The following FGFRL1 variants were observed in gnomAD, a reference collection of about 807,000 sequenced individuals.
FGFRL1 encodes the protein fibroblast growth factor receptor-like 1.
A neutral mutation model predicts 36.8 loss-of-function variants in FGFRL1; 24 were observed. The observed-to-expected ratio is 0.65, with a 90% confidence interval of 0.47 to 0.92. The LOEUF (loss-of-function observed/expected upper bound fraction) is 0.92, where lower values mean the gene tolerates loss of function less well. FGFRL1 is among the 40% of genes least tolerant of loss of function. The pLI is 0.00. For missense variants in FGFRL1, 785 were observed against 753.4 expected (o/e 1.04, Z -0.49); for synonymous variants, 422 against 344.1 (o/e 1.23, Z -2.50).
At chr4:1,010,592 G>A (rs1372695819), upstream of FGFRL1, among the ~76,000 whole-genome samples, 1 of 152,232 alleles carries the variant, frequency 6.6e-6, no homozygotes, top group East Asian at 1.9e-4. Flanking sequence ...TGCTCTGGGG[G>A]ATGGAGGAGG....
chr4:1,025,164 G>T lies in FGFRL1; in HGVS notation c.1332G>T (p.Val444=). The T allele has an allele frequency of 6.2e-7, 1 of 1,610,548 alleles. No individual in the cohort carries two copies. The highest frequency in any genetic ancestry group is 2.2e-5 in the East Asian group (1 of 44,808). Residue 444 remains valine, a synonymous_variant, in exon 7 of 7, where the codon GTG becomes GTT. Coordinates refer to ENST00000510644, the MANE Select transcript of FGFRL1 (RefSeq NM_001004356.3). ...SLAALSAGPG[V]GLCEEHGSPA... ...CCGCCCTCAGCGCTGGCCCTGGTGT[G>T]GGGCTGTGTGAGGAGCATGGGTCTC...
rs1715592400 is a variant in FGFRL1, at chr4:1,011,731, C to A, written c.-240C>A. Reference sequence around the variant, plus strand: ...GCCCCGGCCCCCGGCCCCGCGGACTCGCCCCCGCCGCCTGCCCGGTCCGGG... The same window carrying A: ...GCCCCGGCCCCCGGCCCCGCGGACTAGCCCCCGCCGCCTGCCCGGTCCGGG... On this transcript the variant is annotated 5_prime_UTR_variant, in exon 1 of 7. Transcript: ENST00000510644. 7.0e-6 allele frequency: 1 copy of A among 142,980 alleles called. No homozygotes were observed. The highest frequency in any genetic ancestry group is 1.9e-4 in the South Asian group (1 of 5,354). The allele number at this position is 142,980 out of a possible 1,614,324, so 8.9% of individuals were successfully genotyped here.
rs1279926006 is a variant in FGFRL1 at position 1,025,583 on chromosome 4, G to A, written c.*236G>A. 1.8e-5 allele frequency: 11 copies of A among 596,612 alleles called. No homozygotes were observed. The highest frequency in any genetic ancestry group is 6.4e-5 in the Admixed American group (2 of 31,010). 37.0% of individuals were successfully genotyped at this position (596,612 alleles called of 1,614,324 possible). On this transcript the variant is annotated 3_prime_UTR_variant, in exon 7 of 7. Coordinates refer to ENST00000510644, the MANE Select transcript of FGFRL1 (RefSeq NM_001004356.3). ...ACGTGCTCCCTGAAGGCACACGTACGCACACACGCACATGCACAGATATGC... is the reference window on the plus strand; with the variant it reads ...ACGTGCTCCCTGAAGGCACACGTACACACACACGCACATGCACAGATATGC...
chr4:1,025,497 GGACACACACACACA>G lies in FGFRL1; in HGVS notation c.*162_*175del. 1 of 879,818 alleles carries G rather than the reference GGACACACACACACA, an allele frequency of 1.1e-6. No individual in the cohort carries two copies. Among genetic ancestry groups the G allele is most frequent in the Non-Finnish European group, 1.7e-6 (1 of 579,094 alleles). The allele number at this position is 879,818 out of a possible 1,614,324, so 54.5% of individuals were successfully genotyped here. On this transcript the variant is annotated 3_prime_UTR_variant, in exon 7 of 7. Coordinates refer to ENST00000510644, the MANE Select transcript of FGFRL1 (RefSeq NM_001004356.3). ...AGTCTGTGTGTGAGGCATAGCCCCT[GGACACACACACACA>G]GACACACACACTGCCTGGATGCATG...
At chr4:1,021,327 G>A (rs189477113) in intron 2 of FGFRL1, among the ~76,000 whole-genome samples, 53 of 152,160 alleles carry the variant, frequency 3.5e-4, no homozygotes, top group Non-Finnish European at 6.0e-4. Flanking sequence ...ATGTGGAGCC[G>A]CAGCCTTTCT....
At chr4:1,018,817 G>A (rs1186537359) in intron 2 of FGFRL1, among the ~76,000 whole-genome samples, 1 of 152,196 alleles carries the variant, frequency 6.6e-6, no homozygotes, top group African/African-American at 2.4e-5. Context: ...AATCTGGGGG[G>A]ATGGGCTTCC....
chr4:1,015,278 G>C (rs1164983339), intron 2 of FGFRL1, among the ~76,000 whole-genome samples: 2 of 152,202 alleles, frequency 1.3e-5, no homozygotes, highest in Non-Finnish European at 2.9e-5. Flanking sequence ...CAGCACAGGA[G>C]GGAGAGGGAT....
chr4:1,022,185 C>A lies in FGFRL1; in HGVS notation c.80-18C>A, dbSNP rs1716220759. 3 of 1,500,764 alleles carry A rather than the reference C, an allele frequency of 2.0e-6. No homozygotes were observed. Among genetic ancestry groups the A allele is most frequent in the Middle Eastern group, 2.5e-4 (1 of 4,078 alleles). The allele number at this position is 1,500,764 out of a possible 1,614,324, so 93.0% of individuals were successfully genotyped here. ...CCCAAGCCCCTCCTCGCTGACTGTTCCTCGGTCCCACCCGCAGGCCCCCCA... is the reference window on the plus strand; with the variant it reads ...CCCAAGCCCCTCCTCGCTGACTGTTACTCGGTCCCACCCGCAGGCCCCCCA... On this transcript the variant is annotated intron_variant, in intron 2 of 6. Transcript: ENST00000510644.
At chr4:1,024,240 G>A (rs1716370508) in intron 5 of FGFRL1, 71 bp from the exon 6 acceptor site, 2 of 1,481,432 alleles carry the variant, frequency 1.4e-6, no homozygotes, top group East Asian at 4.9e-5. Context: ...GGGTGCTGGT[G>A]GGCCCAGGGT....
In FGFRL1 at chr4:1,017,629, A is replaced by G. The variant is rs116436676; in HGVS notation, c.80-4574A>G. ...AGGCGTCCTGGGAGGTGCAGGGTGCACTGGAAAGTTGGAGGAGGCCGTTTC... is the reference window on the plus strand; with the variant it reads ...AGGCGTCCTGGGAGGTGCAGGGTGCGCTGGAAAGTTGGAGGAGGCCGTTTC... On this transcript the variant is annotated intron_variant, in intron 2 of 6. Transcript: ENST00000510644. Among the ~76,000 whole-genome samples the G allele has an allele frequency of 6.2e-3, 946 of 152,286 alleles. 7 individuals carry two copies. The highest frequency in any genetic ancestry group is 0.019 in the African/African-American group (772 of 41,564).
At chr4:1,010,417 G>A (rs959749368), upstream of FGFRL1, among the ~76,000 whole-genome samples, 2 of 152,262 alleles carry the variant, frequency 1.3e-5, no homozygotes, top group African/African-American at 4.8e-5. Context: ...TGGGACGGCC[G>A]GGTAGTTCGG....
chr4:1,024,248 G>T, intron 5 of FGFRL1, 63 bp from the exon 6 acceptor site: 1 of 1,510,796 alleles, frequency 6.6e-7, no homozygotes, highest in Admixed American at 1.9e-5. Flanking sequence ...GTGGGCCCAG[G>T]GTGCTGGCGG....
At chr4:1,010,617 C>T (rs1019994419), upstream of FGFRL1, among the ~76,000 whole-genome samples, 4 of 152,264 alleles carry the variant, frequency 2.6e-5, no homozygotes, top group Admixed American at 2.6e-4. Flanking sequence ...GGGATGGTGA[C>T]TCCGCGGAGT....
intron 2 of FGFRL1, among the ~76,000 whole-genome samples, chr4:1,015,193 T>C (rs6821604): frequency 0.015 from 2,247 of 152,228 alleles, 51 homozygotes; most frequent in African/African-American, 0.049. Context: ...CGGCCCAGGG[T>C]GGACTCCTTT....
intron 2 of FGFRL1, among the ~76,000 whole-genome samples, chr4:1,016,191 C>T (rs1371675795): frequency 6.6e-6 from 1 of 152,196 alleles, no homozygotes; most frequent in Non-Finnish European, 1.5e-5. Flanking sequence ...CATCAGCTCA[C>T]CCCTGATCTC....
chr4:1,016,901 T>TG (rs1446950279), intron 2 of FGFRL1, among the ~76,000 whole-genome samples: 1 of 152,118 alleles, frequency 6.6e-6, no homozygotes, highest in Non-Finnish European at 1.5e-5. Context: ...GCACTGACTC[T>TG]GGGGTTTCCC....
chr4:1,024,274 G>A (rs756377360), intron 5 of FGFRL1, 37 bp from the exon 6 acceptor site: 32 of 1,548,344 alleles, frequency 2.1e-5, no homozygotes, highest in South Asian at 2.1e-4. Context: ...AGTCCGGCGC[G>A]GCCCAGGAGC....
rs1178808328 is a variant in FGFRL1, at chr4:1,023,485, G to A, written c.353-156G>A. Among the ~76,000 whole-genome samples, 1 of 152,162 alleles carries A rather than the reference G, an allele frequency of 6.6e-6. No individual in the cohort carries two copies. ...CAGCGGCCCTTGCCCAGCTGTCCCT[G>A]GGATTCTGGGCTGTGGGTGTGTGGC... is the stretch of plus-strand genomic sequence containing the variant. On this transcript the variant is annotated intron_variant, in intron 3 of 6. Transcript: ENST00000510644. This position sits in a 1 kb window ranked among gnomAD's most constrained non-coding sequence, Gnocchi z 6.0.
intron 2 of FGFRL1, among the ~76,000 whole-genome samples, 188 bp downstream of exon 2, chr4:1,012,752 T>TC (rs1715669191): frequency 6.6e-6 from 1 of 152,022 alleles, no homozygotes; most frequent in Non-Finnish European, 1.5e-5. Flanking sequence ...CCACCGGGGC[T>TC]CCCCTAGCTG....
Sources: allele counts gnomAD v4.1 joint callset (sites outside exome capture counted in the v4.1 genomes callset), GRCh38; gene constraint gnomAD v4.1.1; non-coding constraint Gnocchi (gnomAD v3.1); transcripts MANE v1.5; gene names NCBI Gene and HGNC (gene_info 2026-07-23, HGNC 2026-07-21).